Variants in FHIT observed in about 807,000 individuals in gnomAD.
The protein encoded by FHIT is fragile histidine triad diadenosine triphosphatase.
FHIT carries 19 observed loss-of-function variants against 17.9 expected under a neutral mutation model. The ratio of observed to expected loss-of-function variants is 1.06; its 90% CI spans 0.74 to 1.56. FHIT has a LOEUF of 1.56. FHIT is among the 40% of genes most tolerant of loss of function. The pLI is 0.00. For missense variants in FHIT, 248 were observed against 189.2 expected (o/e 1.31, Z -1.82); for synonymous variants, 81 against 69.7 (o/e 1.16, Z -0.81).
chr3:60,092,589 C>G (rs972274966), intron 5 of FHIT, among the ~76,000 whole-genome samples: 3 of 151,810 alleles, frequency 2.0e-5, no homozygotes, highest in African/African-American at 4.8e-5. Context: ...TATCTCAGAC[C>G]AAGGGTAAGT....
At chr3:60,425,462 A>G (rs987201650) in intron 5 of FHIT, among the ~76,000 whole-genome samples, 1 of 152,118 alleles carries the variant, frequency 6.6e-6, no homozygotes, top group Non-Finnish European at 1.5e-5. Context: ...TGGTGAAGTA[A>G]TCTGTACACT....
intron 5 of FHIT, among the ~76,000 whole-genome samples, chr3:60,014,869 G>A (rs1387136562): frequency 6.6e-6 from 1 of 151,968 alleles, no homozygotes; most frequent in Non-Finnish European, 1.5e-5. Context: ...AGTTAGACAA[G>A]GCAACGTATT....
chr3:60,655,513 G>T (rs1553689342), intron 4 of FHIT, among the ~76,000 whole-genome samples: 1 of 152,170 alleles, frequency 6.6e-6, no homozygotes, highest in Non-Finnish European at 1.5e-5. Context: ...GTACGGAAAT[G>T]AGACACATCA....
chr3:61,026,394 T>C (rs1238866472), intron 3 of FHIT, among the ~76,000 whole-genome samples: 1 of 152,148 alleles, frequency 6.6e-6, no homozygotes, highest in African/African-American at 2.4e-5. Flanking sequence ...ATAATAATGG[T>C]ACTCACAAGA....
rs190884874 is a variant in FHIT, at chr3:59,757,544, T to C, written c.349-5223A>G. Among the ~76,000 whole-genome samples, 50 of 152,316 alleles carry C rather than the reference T, an allele frequency of 3.3e-4. 1 individual carries two copies. In the East Asian group the frequency reaches 7.7e-3, roughly 24 times the overall value. On this transcript the variant is annotated intron_variant, in intron 8 of 9. Transcript: ENST00000492590. ...TTTGCTATTGACATCTTTAGAGTTC[T>C]GTAATGGAATGCAGTAGGAGGAATG...
chr3:61,048,513 C>T (rs1277871758), intron 2 of FHIT, among the ~76,000 whole-genome samples: 1 of 152,200 alleles, frequency 6.6e-6, no homozygotes, highest in African/African-American at 2.4e-5. Context: ...AATAGGAACA[C>T]TTTTACACTG....
intron 5 of FHIT, among the ~76,000 whole-genome samples, chr3:60,455,263 G>C (rs935558611): frequency 6.6e-6 from 1 of 152,050 alleles, no homozygotes; most frequent in African/African-American, 2.4e-5. Context: ...GACTCTTCTT[G>C]ACCAAAGACT....
At chr3:59,958,212 T>C (rs371006724) in intron 7 of FHIT, among the ~76,000 whole-genome samples, 1 of 152,252 alleles carries the variant, frequency 6.6e-6, no homozygotes, top group African/African-American at 2.4e-5. Context: ...CATATCTTGA[T>C]AGTTGCATCA....
chr3:60,008,100 A>C lies in FHIT; in HGVS notation c.279+3271T>G, dbSNP rs552654086. Among the ~76,000 whole-genome samples the C allele has an allele frequency of 2.6e-5, 4 of 152,336 alleles. No homozygotes were observed. The South Asian group carries it at 8.3e-4, about 32-fold the overall frequency. ...AAAGAACTAGAGAAAAGACAGAGGT[A>C]CAGGTGCATAGCCAAACAAACAAAA... On this transcript the variant is annotated intron_variant, in intron 7 of 9. Coordinates refer to ENST00000492590, the MANE Select transcript of FHIT (RefSeq NM_002012.4).
At chr3:60,152,239 C>G (rs536696264) in intron 5 of FHIT, among the ~76,000 whole-genome samples, 8 of 152,230 alleles carry the variant, frequency 5.3e-5, no homozygotes, top group Admixed American at 2.6e-4. Context: ...TACCTTGAGG[C>G]TGTGTAATAG....
chr3:59,947,521 C>A (rs13066026), intron 7 of FHIT, among the ~76,000 whole-genome samples: 1 of 151,948 alleles, frequency 6.6e-6, no homozygotes, highest in Admixed American at 6.6e-5. Context: ...AGTTTAGCTC[C>A]GATTTTATTT....
intron 5 of FHIT, among the ~76,000 whole-genome samples, chr3:60,289,329 G>C (rs1456550646): frequency 6.6e-6 from 1 of 152,092 alleles, no homozygotes; most frequent in African/African-American, 2.4e-5. Context: ...TTTAGACCTA[G>C]ATAAATGGAT....
chr3:60,177,513 T>A (rs971678921), intron 5 of FHIT, among the ~76,000 whole-genome samples: 2 of 152,134 alleles, frequency 1.3e-5, no homozygotes, highest in African/African-American at 2.4e-5. Context: ...TCCCTTCGCA[T>A]AGAAGTAGGT....
intron 5 of FHIT, among the ~76,000 whole-genome samples, chr3:60,125,678 G>C (rs1198260288): frequency 8.2e-6 from 1 of 121,728 alleles, no homozygotes; most frequent in African/African-American, 3.1e-5. Context: ...ATATATGTGT[G>C]TGCGTGTGTA....
chr3:59,894,129 A>C (rs1253969650), intron 8 of FHIT, among the ~76,000 whole-genome samples: 1 of 151,958 alleles, frequency 6.6e-6, no homozygotes, highest in African/African-American at 2.4e-5. Context: ...CTGTAGTCCT[A>C]ATTATTTGGG....
At chr3:60,359,305 G>A (rs1417433031) in intron 5 of FHIT, among the ~76,000 whole-genome samples, 1 of 111,136 alleles carries the variant, frequency 9.0e-6, no homozygotes, top group African/African-American at 3.5e-5. Context: ...TTTTTGAGAT[G>A]GAGCCTCGCT....
chr3:60,338,142 A>G (rs1414948374), intron 5 of FHIT, among the ~76,000 whole-genome samples: 1 of 152,194 alleles, frequency 6.6e-6, no homozygotes, highest in Non-Finnish European at 1.5e-5. Flanking sequence ...AAAGGGAAGC[A>G]TACATATATT....
chr3:60,258,978 T>C (rs1391448619), intron 5 of FHIT, among the ~76,000 whole-genome samples: 2 of 150,324 alleles, frequency 1.3e-5, no homozygotes, highest in Admixed American at 1.3e-4. Context: ...GTAAAAGAGA[T>C]CTTCCTGCTT....
chr3:59,867,606 T>C (rs1262890197), intron 8 of FHIT, among the ~76,000 whole-genome samples: 1 of 152,080 alleles, frequency 6.6e-6, no homozygotes, highest in Non-Finnish European at 1.5e-5. Context: ...TTTTTCTGCT[T>C]GTGTGATTGC....
Sources: gnomAD v4.1 joint callset for allele counts (sites outside exome capture counted in the v4.1 genomes callset) on GRCh38, gnomAD v4.1.1 for gene constraint, MANE v1.5 for transcripts, NCBI Gene and HGNC (gene_info 2026-07-23, HGNC 2026-07-21) for gene names.